RUVBL1: variants seen among roughly 807,000 people sequenced by gnomAD.
RUVBL1 encodes the protein RuvB like AAA ATPase 1.
RUVBL1 carries 4 observed loss-of-function variants against 52.4 expected under a neutral mutation model. The ratio of observed to expected loss-of-function variants is 0.08; its 90% confidence interval spans 0.04 to 0.17. The LOEUF is 0.17. RUVBL1 is among the 10% of genes least tolerant of loss of function. The probability of loss-of-function intolerance (pLI) is 1.00; values close to 1 mark genes in which losing one functional copy is unlikely to be tolerated. For synonymous variants in RUVBL1, 217 were observed against 214.4 expected (o/e 1.01, Z -0.10); for missense variants, 298 against 572.8 (o/e 0.52, Z 4.90).
At chr3:128,135,299 G>T (rs1312372545) in intron 1 of RUVBL1, among the ~76,000 whole-genome samples, 1 of 152,202 alleles carries the variant, frequency 6.6e-6, no homozygotes, top group African/African-American at 2.4e-5. Flanking sequence ...TTGGGAGGCC[G>T]AGGCGGGTGG....
chr3:128,114,074 C>A (rs1943459361), intron 2 of RUVBL1, among the ~76,000 whole-genome samples: 1 of 152,190 alleles, frequency 6.6e-6, no homozygotes, highest in African/African-American at 2.4e-5. Context: ...CTAAACAGAA[C>A]CAGACTTCAC....
rs564348453 is a variant in RUVBL1, at chr3:128,119,063, A to T, written c.228+265T>A. 2.0e-4 allele frequency among the ~76,000 whole-genome samples: 31 copies of T among 152,308 alleles called. 1 individual carries two copies. The South Asian group carries it at 4.3e-3, about 21-fold the overall frequency. On this transcript the variant is annotated intron_variant, in intron 2 of 10. Transcript: ENST00000322623. Reference sequence around the variant, plus strand: ...GAAATGTATTTCCACAGCAAAGGAGACTTGAAAGAGAAAAAGGACAAATTC... The same window carrying T: ...GAAATGTATTTCCACAGCAAAGGAGTCTTGAAAGAGAAAAAGGACAAATTC...
At chr3:128,126,614 A>G (rs1943797319), upstream of RUVBL1, among the ~76,000 whole-genome samples, 1 of 152,110 alleles carries the variant, frequency 6.6e-6, no homozygotes. Flanking sequence ...CTGAGGCCCC[A>G]GGAAGGGACA....
In RUVBL1 at chr3:128,137,012, C is replaced by T. The variant is rs13068592; in HGVS notation, c.-40+16191G>A. 7.9e-5 allele frequency among the ~76,000 whole-genome samples: 12 copies of T among 152,240 alleles called. No individual in the cohort carries two copies. The South Asian group carries it at 8.3e-4, about 11-fold the overall frequency. On this transcript the variant is annotated intron_variant, in intron 1 of 9. Coordinates refer to the RUVBL1 transcript ENST00000464873. Reference sequence around the variant, plus strand: ...GATATTTACAGAACATTTCTTCCAACGGCTGCAGAATACACATTATTCTCC... The same window carrying T: ...GATATTTACAGAACATTTCTTCCAATGGCTGCAGAATACACATTATTCTCC...
At chr3:128,129,262 G>A (rs562345473) in intron 1 of RUVBL1, among the ~76,000 whole-genome samples, 2 of 152,050 alleles carry the variant, frequency 1.3e-5, no homozygotes, top group African/African-American at 2.4e-5. Flanking sequence ...AATAACAGAA[G>A]GAAAAATCAC....
downstream of RUVBL1, among the ~76,000 whole-genome samples, chr3:128,077,338 A>C (rs1343353916): frequency 6.7e-6 from 1 of 149,082 alleles, no homozygotes; most frequent in African/African-American, 2.5e-5. Flanking sequence ...GGCCTCCCTC[A>C]CCCCCTATCC....
chr3:128,135,072 C>A (rs1236282501), intron 1 of RUVBL1, among the ~76,000 whole-genome samples: 1 of 152,128 alleles, frequency 6.6e-6, no homozygotes, highest in Admixed American at 6.5e-5. Context: ...AAGACTATAT[C>A]TAGACATTTA....
chr3:128,079,822 T>G (rs891752660), downstream of RUVBL1, among the ~76,000 whole-genome samples: 1 of 152,220 alleles, frequency 6.6e-6, no homozygotes, highest in East Asian at 1.9e-4. Flanking sequence ...AGGACAATGC[T>G]GCTTGCCCCA....
At chr3:128,134,852 T>C (rs1422209174) in intron 1 of RUVBL1, among the ~76,000 whole-genome samples, 1 of 150,474 alleles carries the variant, frequency 6.6e-6, no homozygotes, top group Non-Finnish European at 1.5e-5. Context: ...GGGAAAAATT[T>C]AAAAAAAAGA....
intron 8 of RUVBL1, among the ~76,000 whole-genome samples, chr3:128,093,310 T>C (rs1559812210): frequency 6.6e-6 from 1 of 152,182 alleles, no homozygotes; most frequent in Non-Finnish European, 1.5e-5. Context: ...AATTGATTAA[T>C]GGTTGCCAGT....
intron 9 of RUVBL1, among the ~76,000 whole-genome samples, chr3:128,086,089 T>C (rs1395649016): frequency 6.6e-6 from 1 of 152,174 alleles, no homozygotes; most frequent in Non-Finnish European, 1.5e-5. Flanking sequence ...CTCGACCTCC[T>C]GGGCTAAAGC....
At chr3:128,083,256 A>T (rs1942536714) in intron 9 of RUVBL1, 1 of 152,288 alleles carries the variant, frequency 6.6e-6, no homozygotes, top group South Asian at 2.1e-4. Flanking sequence ...CAGGATAATG[A>T]TGTTGTGTGT....
chr3:128,066,650 C>G, intron 9 of RUVBL1: 1 of 397,934 alleles, frequency 2.5e-6, no homozygotes. Context: ...TATCGAACTT[C>G]TGGGCTCAAG....
At chr3:128,127,331 C>T (rs1245278887), upstream of RUVBL1, among the ~76,000 whole-genome samples, 6 of 152,280 alleles carry the variant, frequency 3.9e-5, no homozygotes, top group East Asian at 1.2e-3. Flanking sequence ...ATTGTGTGGA[C>T]TACTACATTC....
intron 1 of RUVBL1, among the ~76,000 whole-genome samples, chr3:128,142,510 G>T (rs913902960): frequency 6.6e-6 from 1 of 152,156 alleles, no homozygotes; most frequent in Non-Finnish European, 1.5e-5. Context: ...TCCTATTGCT[G>T]CCATAACATA....
intron 3 of RUVBL1, among the ~76,000 whole-genome samples, chr3:128,106,407 C>A (rs963470897): frequency 2.0e-5 from 3 of 152,120 alleles, no homozygotes; most frequent in Non-Finnish European, 4.4e-5. Flanking sequence ...CTTCCTGAAC[C>A]ACTCTTTTTA....
At chr3:128,089,985 G>A (rs1942788419) in intron 8 of RUVBL1, among the ~76,000 whole-genome samples, 1 of 151,530 alleles carries the variant, frequency 6.6e-6, no homozygotes, top group Non-Finnish European at 1.5e-5. Flanking sequence ...GGGAGGAAGG[G>A]TTGGGACTTC....
chr3:128,118,531 T>G (rs1007763100), intron 2 of RUVBL1, among the ~76,000 whole-genome samples: 1 of 152,190 alleles, frequency 6.6e-6, no homozygotes, highest in Non-Finnish European at 1.5e-5. Flanking sequence ...AAGCTCCTAC[T>G]TGCCCACATC....
At chr3:128,140,767 CAG>C (rs1944009903) in intron 1 of RUVBL1, among the ~76,000 whole-genome samples, 1 of 152,066 alleles carries the variant, frequency 6.6e-6, no homozygotes, top group Non-Finnish European at 1.5e-5. Flanking sequence ...ATTGGCATTT[CAG>C]ATCAAGTAGG....
Sources: gnomAD v4.1 joint callset for allele counts (sites outside exome capture counted in the v4.1 genomes callset) on GRCh38, gnomAD v4.1.1 for gene constraint, MANE v1.5 for transcripts, NCBI Gene and HGNC (gene_info 2026-07-23, HGNC 2026-07-21) for gene names.